ZNF185: variants seen among roughly 807,000 people sequenced by gnomAD.
ZNF185 encodes the protein zinc finger protein 185 with LIM domain.
Under a neutral mutation model 58.6 loss-of-function variants are expected in ZNF185, and 56 were observed. The observed-to-expected ratio is 0.95, with a 90% confidence interval of 0.77 to 1.19. The LOEUF is 1.19. ZNF185 is among the 50% of genes most tolerant of loss of function. ZNF185 has a pLI of 0.00. For missense variants in ZNF185, 627 were observed against 573.5 expected, an observed-to-expected ratio of 1.09 and a Z score of -0.95; for synonymous variants, 230 against 215.9, an observed-to-expected ratio of 1.07 and a Z score of -0.57.
intron 12 of ZNF185, among the ~76,000 whole-genome samples, chrX:152,929,873 C>T (rs1156393619): frequency 2.7e-5 from 3 of 112,551 alleles, no homozygotes; most frequent in Non-Finnish European, 5.6e-5. Context: ...CCTCCCTGGG[C>T]CTTTCTCTGT....
chrX:152,917,772 G>T lies in ZNF185; in HGVS notation c.342-293G>T, dbSNP rs938951362. ...AAGTTGCATGCAATTCAAGCACCTT[G>T]GCATCAGGCATTGCCTGGGACTCCG... On this transcript the variant is annotated intron_variant, in intron 5 of 22. Coordinates refer to ENST00000449285, the Ensembl canonical transcript of ZNF185. 1.5e-5 allele frequency: 15 copies of T among 1,000,397 alleles called. No individual in the cohort carries two copies. The Admixed American group carries it at 2.1e-4, about 14-fold the overall frequency. The allele number at this position is 1,000,397 out of a possible 1,213,427, so 82.4% of individuals were successfully genotyped here.
At chrX:152,901,238 C>CT in the ZNF185 span, among the ~76,000 whole-genome samples, 4,988 of 96,405 alleles carry the variant, frequency 0.052, 376 homozygotes, top group African/African-American at 0.17. Flanking sequence ...TTTGTTTTCA[C>CT]TTTTTTTTTT....
rs1404829749 is a variant in ZNF185, at chrX:152,945,504, A to G, written c.1409+40A>G. ...GCAGTGGGCTCTGCCTCTGGAGCCC[A>G]TGTTTTTGTTGAGGTCTGCGACCCA... is the stretch of plus-strand genomic sequence containing the variant. On this transcript the variant is annotated intron_variant, in intron 16 of 22. Transcript: ENST00000449285. 5.2e-6 allele frequency: 6 copies of G among 1,158,823 alleles called. No homozygotes were observed. The African/African-American group carries it at 1.1e-4, about 21-fold the overall frequency.
intron 15 of ZNF185, chrX:152,941,730 G>A (rs1188178366): frequency 8.6e-7 from 1 of 1,163,206 alleles, no homozygotes; most frequent in African/African-American, 1.8e-5. Context: ...GGACGAGCTC[G>A]GCCTCGGCGG....
At chrX:152,922,593 C>T in intron 10 of ZNF185, 127 bp from the exon 12 acceptor site, 1 of 648,332 alleles carries the variant, frequency 1.5e-6, no homozygotes, top group Non-Finnish European at 2.4e-6. Flanking sequence ...AGAGGGCCAG[C>T]CACCATGGCA....
At chrX:152,969,452 C>T in exon 21 of ZNF185, 1 of 1,207,211 alleles carries the variant, frequency 8.3e-7, no homozygotes, top group Admixed American at 2.2e-5. Flanking sequence ...CCTAGAACAT[C>T]TTGGTATCTG....
chrX:152,899,448 C>G, the ZNF185 span, among the ~76,000 whole-genome samples: 2 of 113,025 alleles, frequency 1.8e-5, no homozygotes, highest in Non-Finnish European at 3.7e-5. Flanking sequence ...TCCGCTGTTC[C>G]CCTCATCGCT....
chrX:152,929,374 C>T (rs1941515889), intron 12 of ZNF185, among the ~76,000 whole-genome samples: 1 of 111,243 alleles, frequency 9.0e-6, no homozygotes, highest in Admixed American at 9.5e-5. Context: ...GGGCCCCTAC[C>T]TTGTGAAGGC....
At position 152,969,563 on chromosome X, in the gene ZNF185, G is replaced by A. The variant is rs1217867096; in HGVS notation, c.1974+79G>A. Reference sequence around the variant, plus strand: ...CTGCTAAGAACGTTTTGTAGAGTGCGGGAGTCTTACGGGTTCAGAGACTGT... The same window carrying A: ...CTGCTAAGAACGTTTTGTAGAGTGCAGGAGTCTTACGGGTTCAGAGACTGT... On this transcript the variant is annotated intron_variant, in intron 21 of 22. Transcript: ENST00000449285. The A allele has an allele frequency of 3.2e-5, 25 of 783,660 alleles. No homozygotes were observed. The South Asian group carries it at 5.1e-4, about 16-fold the overall frequency. The allele number at this position is 783,660 out of a possible 1,213,427, so 64.6% of individuals were successfully genotyped here.
At chrX:152,969,284 A>G in intron 20 of ZNF185, 98 bp from the exon 23 acceptor site, 1 of 698,366 alleles carries the variant, frequency 1.4e-6, no homozygotes, top group Non-Finnish European at 2.2e-6. Flanking sequence ...CTGACAGCAA[A>G]CCTGGGCCTG....
At chrX:152,914,649 G>A in intron 1 of ZNF185, 61 bp from the exon 3 acceptor site, 2 of 1,178,657 alleles carry the variant, frequency 1.7e-6, no homozygotes, top group Non-Finnish European at 2.3e-6. Context: ...GAACTGGAAA[G>A]GAGGTCGAGG....
At chrX:152,928,242 C>T (rs1310249895) in intron 11 of ZNF185, among the ~76,000 whole-genome samples, 1 of 112,588 alleles carries the variant, frequency 8.9e-6, no homozygotes, top group African/African-American at 3.2e-5. Context: ...TCACAAATGG[C>T]CACTTTGGAT....
chrX:152,932,628 A>C (rs1437181109), intron 13 of ZNF185, among the ~76,000 whole-genome samples: 4 of 111,345 alleles, frequency 3.6e-5, no homozygotes, highest in Admixed American at 9.5e-5. Flanking sequence ...AGCTCCCCCC[A>C]CCACCAACGA....
In ZNF185 at chrX:152,956,497, C is replaced by T. The variant is rs782166781; in HGVS notation, c.1410-3202C>T. 2.7e-5 allele frequency among the ~76,000 whole-genome samples: 3 copies of T among 111,763 alleles called. No individual in the cohort carries two copies. The South Asian group carries it at 1.1e-3, about 42-fold the overall frequency. On this transcript the variant is annotated intron_variant, in intron 16 of 22. Coordinates refer to ENST00000449285, the Ensembl canonical transcript of ZNF185. ...CTTACACCTGTAATCCCAGCACTCT[C>T]GGAGGCCGAGGCAGGCGGATAACCT... is the stretch of plus-strand genomic sequence containing the variant.
chrX:152,929,096 T>C (rs1188511430), intron 12 of ZNF185, among the ~76,000 whole-genome samples: 2 of 110,936 alleles, frequency 1.8e-5, no homozygotes, highest in African/African-American at 6.6e-5. Flanking sequence ...GAGGATTGGG[T>C]CTAAGGAGCC....
intron 12 of ZNF185, among the ~76,000 whole-genome samples, chrX:152,931,305 G>T (rs1240954874): frequency 6.2e-5 from 7 of 112,558 alleles, no homozygotes; most frequent in Non-Finnish European, 1.3e-4. Flanking sequence ...ACAGCATCTT[G>T]CTGTGTGTGC....
At chrX:152,912,279 T>C (rs1937521477), upstream of ZNF185, among the ~76,000 whole-genome samples, 1 of 112,673 alleles carries the variant, frequency 8.9e-6, no homozygotes, top group East Asian at 2.8e-4. Context: ...GTCTCAGCTA[T>C]AAAGACGGGA....
At position 152,936,298 on chromosome X, in the gene ZNF185, C is replaced by T. The variant is rs1445268600; in HGVS notation, c.1122-1776C>T. 5 of 538,960 alleles carry T rather than the reference C, an allele frequency of 9.3e-6. No homozygotes were observed. In the African/African-American group the frequency reaches 1.2e-4, roughly 13 times the overall value. The allele number at this position is 538,960 out of a possible 1,213,427, so 44.4% of individuals were successfully genotyped here. On this transcript the variant is annotated intron_variant, in intron 14 of 22. Coordinates refer to ENST00000449285, the Ensembl canonical transcript of ZNF185. ...GATATAAATATTGTTCCTCAAGCAT[C>T]CATTTGAGCAGCTTCTTGGTCCTCA...
exon 15 of ZNF185, chrX:152,938,127 C>A (rs782314116): frequency 1.7e-6 from 2 of 1,184,885 alleles, no homozygotes; most frequent in East Asian, 6.2e-5. Context: ...AGCAACAGCA[C>A]AGCAGCCCAG....
Sources: allele counts gnomAD v4.1 joint callset (sites outside exome capture counted in the v4.1 genomes callset), GRCh38; gene constraint gnomAD v4.1.1; transcripts MANE v1.5; gene names NCBI Gene and HGNC (gene_info 2026-07-23, HGNC 2026-07-21).